NWD2: variants seen among roughly 807,000 people sequenced by gnomAD.
NWD2 encodes the protein NACHT and WD repeat domain-containing protein 2.
Under a neutral mutation model 132.7 loss-of-function variants are expected in NWD2, and 37 were observed. That is an observed-to-expected ratio of 0.28 (90% CI 0.21 to 0.37). The LOEUF (loss-of-function observed/expected upper bound fraction) is 0.37. NWD2 is among the 10% of genes least tolerant of loss of function. NWD2 has a pLI of 1.00. For missense variants in NWD2, 1,592 were observed against 2,122.4 expected (o/e 0.75, Z 4.91); for synonymous variants, 705 against 803.0 (o/e 0.88, Z 2.06).
chr4:37,287,365 G>A (rs1175860013), intron 1 of NWD2, among the ~76,000 whole-genome samples: 1 of 152,194 alleles, frequency 6.6e-6, no homozygotes, highest in Admixed American at 6.5e-5. Context: ...AGCCAGCACT[G>A]GGACTCATAA....
intron 2 of NWD2, among the ~76,000 whole-genome samples, chr4:37,332,314 G>A (rs531810856): frequency 2.6e-5 from 4 of 152,290 alleles, no homozygotes; most frequent in African/African-American, 9.6e-5. Flanking sequence ...GGACAGAGTA[G>A]AGAGGACTTT....
intron 3 of NWD2, among the ~76,000 whole-genome samples, chr4:37,424,091 C>T (rs1344444034): frequency 6.6e-6 from 1 of 152,022 alleles, no homozygotes; most frequent in Non-Finnish European, 1.5e-5. Flanking sequence ...CCATTGTCCT[C>T]CCACCCAAAA....
At chr4:37,346,512 T>C (rs931523075) in intron 2 of NWD2, among the ~76,000 whole-genome samples, 12 of 152,168 alleles carry the variant, frequency 7.9e-5, no homozygotes, top group Non-Finnish European at 1.6e-4. Context: ...TGAATTTCCA[T>C]ATGAACTTTA....
At chr4:37,399,610 A>T (rs1720863708) in intron 3 of NWD2, among the ~76,000 whole-genome samples, 1 of 152,096 alleles carries the variant, frequency 6.6e-6, no homozygotes, top group Non-Finnish European at 1.5e-5. Context: ...TCTTTCTCCA[A>T]TTCTGCCTAT....
intron 1 of NWD2, among the ~76,000 whole-genome samples, chr4:37,249,944 G>A (rs1266818709): frequency 6.6e-6 from 1 of 152,162 alleles, no homozygotes; most frequent in Non-Finnish European, 1.5e-5. Context: ...GTGTACATGG[G>A]TTCATTTGCT....
At chr4:37,322,374 C>A (rs932260286) in intron 1 of NWD2, among the ~76,000 whole-genome samples, 1 of 152,036 alleles carries the variant, frequency 6.6e-6, no homozygotes, top group African/African-American at 2.4e-5. Context: ...ATTAAAGCTG[C>A]GAGTTGAATA....
intron 3 of NWD2, among the ~76,000 whole-genome samples, chr4:37,429,641 T>C (rs1269778725): frequency 2.0e-5 from 3 of 152,244 alleles, no homozygotes; most frequent in Non-Finnish European, 4.4e-5. Flanking sequence ...TATACCATTT[T>C]ATAACTTACC....
At chr4:37,422,430 A>G (rs1711844229) in intron 3 of NWD2, among the ~76,000 whole-genome samples, 1 of 152,086 alleles carries the variant, frequency 6.6e-6, no homozygotes, top group Non-Finnish European at 1.5e-5. Context: ...TTATCTGACC[A>G]CACATTTTTT....
chr4:37,389,561 A>G (rs1720639503), intron 3 of NWD2, among the ~76,000 whole-genome samples: 1 of 152,066 alleles, frequency 6.6e-6, no homozygotes, highest in South Asian at 2.1e-4. Flanking sequence ...TTTTCATGTT[A>G]GTCGTTCTGG....
chr4:37,356,585 G>T (rs1719875436), intron 3 of NWD2, 103 bp downstream of exon 3: 4 of 721,648 alleles, frequency 5.5e-6, no homozygotes, highest in South Asian at 5.4e-5. Flanking sequence ...GGGGGAAAAA[G>T]ACTTTTTTAT....
intron 3 of NWD2, among the ~76,000 whole-genome samples, chr4:37,410,554 G>A (rs1044296080): frequency 1.3e-5 from 2 of 152,146 alleles, no homozygotes; most frequent in Admixed American, 1.3e-4. Context: ...AATAGTGGGA[G>A]ATTTTGACAA....
chr4:37,355,802 G>A (rs1055796580), intron 2 of NWD2, among the ~76,000 whole-genome samples: 11 of 151,954 alleles, frequency 7.2e-5, no homozygotes, highest in African/African-American at 2.7e-4. Flanking sequence ...GCCCGTACAT[G>A]TTTTTCAGAT....
intron 1 of NWD2, among the ~76,000 whole-genome samples, chr4:37,301,106 C>T (rs1718603464): frequency 6.6e-6 from 1 of 151,940 alleles, no homozygotes; most frequent in Non-Finnish European, 1.5e-5. Context: ...TTGGTTATTC[C>T]AGACAGCGGA....
At chr4:37,363,474 T>C (rs1720023491) in intron 3 of NWD2, among the ~76,000 whole-genome samples, 1 of 152,210 alleles carries the variant, frequency 6.6e-6, no homozygotes, top group Non-Finnish European at 1.5e-5. Context: ...CAAGAAATTA[T>C]GTTCTTTGTA....
chr4:37,352,317 C>A (rs1719785416), intron 2 of NWD2, among the ~76,000 whole-genome samples: 1 of 152,082 alleles, frequency 6.6e-6, no homozygotes, highest in African/African-American at 2.4e-5. Context: ...GAGTCTAAGT[C>A]TCTTTGTAGG....
chr4:37,388,014 G>A (rs531131341), intron 3 of NWD2, among the ~76,000 whole-genome samples: 1 of 152,098 alleles, frequency 6.6e-6, no homozygotes, highest in Non-Finnish European at 1.5e-5. Flanking sequence ...TGAGCTGAAT[G>A]ACCTTGGGCA....
At chr4:37,285,210 A>C (rs892477617) in intron 1 of NWD2, among the ~76,000 whole-genome samples, 9 of 152,164 alleles carry the variant, frequency 5.9e-5, no homozygotes, top group Non-Finnish European at 1.2e-4. Context: ...GACTCTTGTG[A>C]ACGTTCCAAC....
At chr4:37,259,490 G>A (rs1308353665) in intron 1 of NWD2, among the ~76,000 whole-genome samples, 2 of 152,122 alleles carry the variant, frequency 1.3e-5, no homozygotes, top group East Asian at 1.9e-4. Context: ...TGTCTTCCTC[G>A]TGACCTGAGT....
At chr4:37,388,930 A>G (rs988182220) in intron 3 of NWD2, among the ~76,000 whole-genome samples, 2 of 151,246 alleles carry the variant, frequency 1.3e-5, no homozygotes, top group African/African-American at 4.9e-5. Context: ...TTTAACCTCT[A>G]TGATGGTGTC....
Sources: gnomAD v4.1 joint callset for allele counts (sites outside exome capture counted in the v4.1 genomes callset) on GRCh38, gnomAD v4.1.1 for gene constraint, MANE v1.5 for transcripts, NCBI Gene and HGNC (gene_info 2026-07-23, HGNC 2026-07-21) for gene names.